The following EPS15L1 variants were observed in gnomAD, a reference collection of about 807,000 sequenced individuals.
The protein encoded by EPS15L1 is epidermal growth factor receptor substrate 15-like 1.
In EPS15L1, 43 loss-of-function variants were observed where a neutral mutation model predicts 117.1. The ratio of observed to expected loss-of-function variants is 0.37; its 90% CI spans 0.29 to 0.47. The LOEUF (loss-of-function observed/expected upper bound fraction) is 0.47, where lower values mean the gene tolerates loss of function less well. EPS15L1 is among the 20% of genes least tolerant of loss of function. EPS15L1 has a pLI of 0.99. For synonymous variants in EPS15L1, 459 were observed against 470.5 expected (o/e 0.98, Z 0.32); for missense variants, 981 against 1,164.0 (o/e 0.84, Z 2.29).
intron 13 of EPS15L1, chr19:16,413,095 A>G (rs2092723326): frequency 2.9e-6 from 2 of 687,436 alleles, no homozygotes; most frequent in East Asian, 2.9e-5. Flanking sequence ...GGGGACTACA[A>G]TGGCCACATC....
intron 22 of EPS15L1, among the ~76,000 whole-genome samples, chr19:16,373,481 TAA>T (rs11344510): frequency 3.6e-4 from 50 of 139,276 alleles, no homozygotes; most frequent in Admixed American, 1.1e-3. Flanking sequence ...ACTTTATGCT[TAA>T]AAAAAAAAAA....
chr19:16,418,209 C>T (rs1458890095), intron 10 of EPS15L1, 105 bp from the exon 11 acceptor site: 21 of 1,330,884 alleles, frequency 1.6e-5, no homozygotes, highest in South Asian at 2.8e-5. Context: ...ACGAAAACAA[C>T]GGCAGGGCGT....
At chr19:16,418,210 G>A (rs1164515610) in intron 10 of EPS15L1, 106 bp from the exon 11 acceptor site, 36 of 1,305,660 alleles carry the variant, frequency 2.8e-5, no homozygotes, top group Non-Finnish European at 3.6e-5. Context: ...CGAAAACAAC[G>A]GCAGGGCGTG....
chr19:16,398,405 T>C (rs1352403983), intron 16 of EPS15L1, among the ~76,000 whole-genome samples: 3 of 152,010 alleles, frequency 2.0e-5, no homozygotes, highest in Admixed American at 6.6e-5. Flanking sequence ...CAGTGCTGAG[T>C]GGACGTCAGG....
At chr19:16,454,605 C>A (rs1012927883) in intron 1 of EPS15L1, among the ~76,000 whole-genome samples, 9 of 152,130 alleles carry the variant, frequency 5.9e-5, no homozygotes, top group African/African-American at 1.4e-4. Flanking sequence ...CGAACATGCT[C>A]GGGGCTCAAG....
chr19:16,470,058 T>C (rs2093335351), intron 1 of EPS15L1, among the ~76,000 whole-genome samples: 1 of 151,846 alleles, frequency 6.6e-6, no homozygotes, highest in Non-Finnish European at 1.5e-5. Flanking sequence ...TCAACAAATG[T>C]ATAGGGAAAG....
intron 13 of EPS15L1, chr19:16,413,300 T>A (rs2092725346): frequency 3.0e-6 from 2 of 667,494 alleles, no homozygotes; most frequent in Admixed American, 2.1e-5. Context: ...CCAGGGGCAC[T>A]GGCATTGTCT....
chr19:16,375,242 G>A (rs936186905), intron 22 of EPS15L1, among the ~76,000 whole-genome samples: 2 of 152,250 alleles, frequency 1.3e-5, no homozygotes, highest in Non-Finnish European at 2.9e-5. Flanking sequence ...GATGCAGTAT[G>A]TATGTGAATG....
intron 22 of EPS15L1, 44 bp downstream of exon 22, chr19:16,377,078 C>T (rs376167338): frequency 3.2e-5 from 50 of 1,556,992 alleles, no homozygotes; most frequent in East Asian, 7.0e-5. Context: ...CCCCGCCATC[C>T]GGCACCGGTA....
chr19:16,445,338 G>T (rs1457709127), intron 1 of EPS15L1, among the ~76,000 whole-genome samples: 2 of 152,236 alleles, frequency 1.3e-5, no homozygotes, highest in African/African-American at 4.8e-5. Context: ...AAAGCCCAGG[G>T]AGTATGGCTC....
intron 7 of EPS15L1, among the ~76,000 whole-genome samples, chr19:16,433,208 A>G (rs1052557381): frequency 1.6e-4 from 25 of 151,630 alleles, no homozygotes; most frequent in African/African-American, 6.1e-4. Context: ...GCTCACTGCA[A>G]TCTCCACCTC....
At chr19:16,466,631 G>C (rs1450076033) in intron 1 of EPS15L1, among the ~76,000 whole-genome samples, 1 of 152,100 alleles carries the variant, frequency 6.6e-6, no homozygotes, top group African/African-American at 2.4e-5. Flanking sequence ...GGCCAGGCGC[G>C]GTGCCTCCTG....
intron 13 of EPS15L1, among the ~76,000 whole-genome samples, chr19:16,406,030 G>A (rs1043100761): frequency 7.9e-5 from 12 of 152,038 alleles, no homozygotes; most frequent in Non-Finnish European, 1.6e-4. Context: ...GGTGGTGGTC[G>A]TGAGAATGGA....
intron 22 of EPS15L1, among the ~76,000 whole-genome samples, chr19:16,364,525 C>T (rs142308588): frequency 1.3e-3 from 198 of 152,312 alleles, no homozygotes; most frequent in African/African-American, 4.4e-3. Flanking sequence ...CCGCAGACCC[C>T]GGGCTGGTTC....
At chr19:16,373,645 G>A (rs2092256127) in intron 22 of EPS15L1, among the ~76,000 whole-genome samples, 2 of 152,128 alleles carry the variant, frequency 1.3e-5, no homozygotes, top group Admixed American at 6.5e-5. Context: ...AGGCCTCCTG[G>A]GCTGCACGTG....
At chr19:16,425,935 T>C (rs1214805511) in intron 8 of EPS15L1, among the ~76,000 whole-genome samples, 1 of 152,230 alleles carries the variant, frequency 6.6e-6, no homozygotes, top group African/African-American at 2.4e-5. Flanking sequence ...TGGTTTTGAT[T>C]AGCACATCAC....
chr19:16,462,167 T>C (rs1442633803), intron 1 of EPS15L1, among the ~76,000 whole-genome samples: 2 of 152,168 alleles, frequency 1.3e-5, no homozygotes, highest in Non-Finnish European at 2.9e-5. Flanking sequence ...AGTTTCCTCA[T>C]CTAGAAACAA....
chr19:16,457,866 G>T (rs191056151), intron 1 of EPS15L1, among the ~76,000 whole-genome samples: 4 of 151,884 alleles, frequency 2.6e-5, no homozygotes, highest in Middle Eastern at 3.4e-3. Flanking sequence ...CCCAAGACTG[G>T]GGGGGAGGGG....
In EPS15L1 at chr19:16,434,696, G is replaced by C. The variant is rs547061427; in HGVS notation, c.373-206C>G. 2.7e-5 allele frequency: 13 copies of C among 483,572 alleles called. No individual in the cohort carries two copies. In the South Asian group the frequency reaches 2.9e-4, roughly 11 times the overall value. 30.0% of individuals were successfully genotyped at this position (483,572 alleles called of 1,614,324 possible). A position where few individuals can be genotyped will look rare whatever the true frequency, so the allele number is the denominator to read the frequency against. The stretch of plus-strand genomic sequence containing the variant: ...AAGGAAATAACGTTATGGCAACCTC[G>C]GATCTGGGAGCCAAGGTCCTCAGGA... On this transcript the variant is annotated intron_variant, in intron 6 of 23. Transcript: ENST00000455140.
Sources: allele counts gnomAD v4.1 joint callset (sites outside exome capture counted in the v4.1 genomes callset), GRCh38; gene constraint gnomAD v4.1.1; transcripts MANE v1.5; gene names NCBI Gene and HGNC (gene_info 2026-07-23, HGNC 2026-07-21).